Variants in PLA2G7 observed in about 807,000 individuals in gnomAD.
PLA2G7 encodes phospholipase A2 group VII, also known as platelet-activating factor acetylhydrolase.
A neutral mutation model predicts 49.6 loss-of-function variants in PLA2G7; 63 were observed. That is an observed-to-expected ratio of 1.27 (90% CI 1.04 to 1.57). The LOEUF (loss-of-function observed/expected upper bound fraction) is 1.57, where lower values mean the gene tolerates loss of function less well. Among genes scored for constraint, PLA2G7 ranks in the 40% most tolerant of loss-of-function variants. PLA2G7 has a pLI of 0.00. For synonymous variants in PLA2G7, 193 were observed against 169.9 expected (o/e 1.14, Z -1.06); for missense variants, 596 against 521.2 (o/e 1.14, Z -1.40).
chr6:46,717,650 C>T (rs1765257239), intron 2 of PLA2G7, among the ~76,000 whole-genome samples: 1 of 152,000 alleles, frequency 6.6e-6, no homozygotes, highest in African/African-American at 2.4e-5. Flanking sequence ...TCCTATTCTC[C>T]TACCTCTTTC....
chr6:46,717,422 A>G (rs1248816052), intron 2 of PLA2G7, among the ~76,000 whole-genome samples: 1 of 152,200 alleles, frequency 6.6e-6, no homozygotes, highest in Non-Finnish European at 1.5e-5. Flanking sequence ...TGTTTTTCCT[A>G]AACATGAACT....
At chr6:46,715,138 C>T (rs1361260904) in intron 4 of PLA2G7, among the ~76,000 whole-genome samples, 9 of 152,188 alleles carry the variant, frequency 5.9e-5, no homozygotes, top group African/African-American at 1.9e-4. Flanking sequence ...TTCATAAAGG[C>T]TGCTACTTAC....
intron 1 of PLA2G7, among the ~76,000 whole-genome samples, chr6:46,723,580 A>G (rs1765472870): frequency 6.6e-6 from 1 of 152,240 alleles, no homozygotes; most frequent in Non-Finnish European, 1.5e-5. Context: ...AATTATAATT[A>G]GTCTGTATGC....
At chr6:46,717,522 T>A (rs1322269384) in intron 2 of PLA2G7, among the ~76,000 whole-genome samples, 1 of 151,972 alleles carries the variant, frequency 6.6e-6, no homozygotes, top group Non-Finnish European at 1.5e-5. Flanking sequence ...ATGAAACTAG[T>A]TTCCAAAATG....
At chr6:46,724,228 G>A (rs773354989) in intron 1 of PLA2G7, among the ~76,000 whole-genome samples, 7 of 151,958 alleles carry the variant, frequency 4.6e-5, no homozygotes, top group South Asian at 2.1e-4. Context: ...ACCAACTAAC[G>A]TACCTTGTAT....
intron 5 of PLA2G7, among the ~76,000 whole-genome samples, chr6:46,714,163 T>A (rs6899519): frequency 6.6e-6 from 1 of 152,002 alleles, no homozygotes; most frequent in Non-Finnish European, 1.5e-5. Context: ...AGTTCTAAAC[T>A]TTACAGAGGA....
intron 11 of PLA2G7, 108 bp from the exon 12 acceptor site, chr6:46,704,804 G>T: frequency 1.4e-6 from 1 of 728,438 alleles, no homozygotes; most frequent in Non-Finnish European, 2.4e-6. Context: ...GTTCCGTTAG[G>T]ATGGTAGAGA....
chr6:46,708,258 A>G lies in PLA2G7; in HGVS notation c.870-97T>C. 3 of 891,490 alleles carry G rather than the reference A, an allele frequency of 3.4e-6. No individual in the cohort carries two copies. The South Asian group carries it at 4.0e-5, about 12-fold the overall frequency. 55.2% of individuals were successfully genotyped at this position (891,490 alleles called of 1,614,324 possible). A position where few individuals can be genotyped will look rare whatever the true frequency, so the allele number is the denominator to read the frequency against. On this transcript the variant is annotated intron_variant, in intron 9 of 11. Transcript: ENST00000274793. ...ATGCTAGGATTGGTGGACACGCACC[A>G]TACCAGTTTATTATGGGTTATCTCA... is the stretch of plus-strand genomic sequence containing the variant.
intron 4 of PLA2G7, among the ~76,000 whole-genome samples, chr6:46,715,019 G>A (rs1765160100): frequency 6.6e-6 from 1 of 152,132 alleles, no homozygotes; most frequent in Admixed American, 6.5e-5. Flanking sequence ...ACAGGCGTGA[G>A]CCACCGCACC....
Sources: allele counts gnomAD v4.1 joint callset (sites outside exome capture counted in the v4.1 genomes callset), GRCh38; gene constraint gnomAD v4.1.1; transcripts MANE v1.5; gene names NCBI Gene and HGNC (gene_info 2026-07-23, HGNC 2026-07-21).